The following DENND4A variants were observed in gnomAD, a reference collection of about 807,000 sequenced individuals.
The protein encoded by DENND4A is C-myc promoter-binding protein.
A neutral mutation model predicts 199.3 loss-of-function variants in DENND4A; 70 were observed. The ratio of observed to expected loss-of-function variants is 0.35; its 90% CI spans 0.29 to 0.43. The LOEUF (loss-of-function observed/expected upper bound fraction) is 0.43. Ranked by LOEUF, DENND4A falls within the 20% of genes least tolerant of loss-of-function variation. The pLI, the probability that DENND4A is intolerant of heterozygous loss-of-function variation, is 1.00. For synonymous variants in DENND4A, 686 were observed against 766.9 expected (o/e 0.89, Z 1.74); for missense variants, 1,723 against 2,255.8 (o/e 0.76, Z 4.78).
intron 11 of DENND4A, among the ~76,000 whole-genome samples, chr15:65,724,760 A>G (rs191382405): frequency 7.9e-4 from 121 of 152,318 alleles, no homozygotes; most frequent in Middle Eastern, 3.4e-3. Context: ...GACCAACAGG[A>G]TCCTGTGTTA....
At chr15:65,767,833 ATATAT>A (rs1423256909) in intron 1 of DENND4A, among the ~76,000 whole-genome samples, 1 of 152,232 alleles carries the variant, frequency 6.6e-6, no homozygotes, top group Non-Finnish European at 1.5e-5. Context: ...ATTCAGGATG[ATATAT>A]TAGACATATT....
intron 15 of DENND4A, among the ~76,000 whole-genome samples, chr15:65,704,886 C>CT (rs1349219438): frequency 2.6e-5 from 4 of 152,188 alleles, no homozygotes; most frequent in African/African-American, 9.7e-5. Context: ...GCCACCGCGT[C>CT]TGGCCAAATT....
chr15:65,705,073 A>C (rs771928194), intron 15 of DENND4A, among the ~76,000 whole-genome samples: 2 of 152,202 alleles, frequency 1.3e-5, no homozygotes, highest in African/African-American at 2.4e-5. Context: ...GAGAGAAATT[A>C]AGAGAAATAT....
At chr15:65,695,239 T>C (rs977783913) in intron 22 of DENND4A, among the ~76,000 whole-genome samples, 1 of 152,218 alleles carries the variant, frequency 6.6e-6, no homozygotes, top group African/African-American at 2.4e-5. Flanking sequence ...AATATTGTAG[T>C]CTTTGCAGGC....
chr15:65,768,269 G>A (rs561684354), intron 1 of DENND4A, among the ~76,000 whole-genome samples: 55 of 152,206 alleles, frequency 3.6e-4, no homozygotes, highest in Admixed American at 1.2e-3. Flanking sequence ...TGCCCGTGCC[G>A]GCATCCCAAA....
At chr15:65,755,723 G>A (rs114108511) in intron 3 of DENND4A, among the ~76,000 whole-genome samples, 513 of 152,276 alleles carry the variant, frequency 3.4e-3, no homozygotes, top group African/African-American at 0.011. Flanking sequence ...CTATGATCAT[G>A]CCATTGCACT....
At chr15:65,777,510 G>A (rs552522254) in intron 1 of DENND4A, among the ~76,000 whole-genome samples, 22 of 151,846 alleles carry the variant, frequency 1.4e-4, no homozygotes, top group African/African-American at 4.6e-4. Flanking sequence ...GCACCACCAC[G>A]CCTGGCTAAT....
chr15:65,672,016 G>A, intron 24 of DENND4A, 130 bp from the exon 25 acceptor site: 1 of 633,158 alleles, frequency 1.6e-6, no homozygotes. Context: ...AAACTAATTA[G>A]GAAAAACAAA....
chr15:65,784,461 A>C (rs964411418), intron 1 of DENND4A, among the ~76,000 whole-genome samples: 6 of 152,004 alleles, frequency 3.9e-5, no homozygotes, highest in Non-Finnish European at 7.4e-5. Context: ...TCTTACAAAA[A>C]AAAAAAAATA....
chr15:65,725,961 C>A (rs2140347497), intron 11 of DENND4A: 1 of 152,234 alleles, frequency 6.6e-6, no homozygotes, highest in Admixed American at 6.5e-5. Flanking sequence ...AGAAAGCTGT[C>A]AGTTCGCTAG....
chr15:65,687,404 T>G (rs2076825767), intron 23 of DENND4A, among the ~76,000 whole-genome samples: 1 of 152,170 alleles, frequency 6.6e-6, no homozygotes, highest in Non-Finnish European at 1.5e-5. Flanking sequence ...TTTTCTTTTT[T>G]TTTCAGTTTA....
At chr15:65,701,345 T>C (rs1343847184) in intron 18 of DENND4A, among the ~76,000 whole-genome samples, 153 bp from the exon 19 acceptor site, 1 of 152,074 alleles carries the variant, frequency 6.6e-6, no homozygotes, top group Non-Finnish European at 1.5e-5. Flanking sequence ...GGCAGGTGGA[T>C]CACTTGAGCC....
At chr15:65,779,978 G>A (rs950125291) in intron 1 of DENND4A, among the ~76,000 whole-genome samples, 1 of 151,894 alleles carries the variant, frequency 6.6e-6, no homozygotes, top group Non-Finnish European at 1.5e-5. Flanking sequence ...GGGCTCAAGT[G>A]ATCCTCCTGC....
In DENND4A at chr15:65,661,873, GT is replaced by G; in HGVS notation, c.5701del (p.Thr1901ProfsTer14). The G allele has an allele frequency of 6.2e-7, 1 of 1,610,160 alleles. No homozygotes were observed. The highest frequency in any genetic ancestry group is 8.5e-7 in the Non-Finnish European group (1 of 1,178,014). ...ATCTTAAAGATAAGGTTCTCCAAAG[GT>G]TTTTCGACATTCCATCACCCCTGTA... is the stretch of plus-strand genomic sequence containing the variant. ...PSTGVMECRK[T>X]FGEPYL On this transcript the variant is annotated frameshift_variant, in exon 33 of 33. Transcript: ENST00000443035. LOFTEE classifies it high-confidence loss of function.
In DENND4A at chr15:65,772,367, T is replaced by G. The variant is rs1325470530; in HGVS notation, c.-101-10929A>C. ...TTTAGAAAATCTGCCACTGTATGTATCTTATAAAAAAGGCTGGATGTCCGA... is the reference window on the plus strand; with the variant it reads ...TTTAGAAAATCTGCCACTGTATGTAGCTTATAAAAAAGGCTGGATGTCCGA... On this transcript the variant is annotated intron_variant, in intron 1 of 32. Transcript: ENST00000443035. 8.6e-5 allele frequency among the ~76,000 whole-genome samples: 13 copies of G among 152,018 alleles called. 1 individual carries two copies. In the South Asian group the frequency reaches 2.7e-3, roughly 31 times the overall value.
chr15:65,704,587 CTGAAATAA>C (rs1200994678), intron 15 of DENND4A, among the ~76,000 whole-genome samples: 2 of 151,950 alleles, frequency 1.3e-5, no homozygotes, highest in African/African-American at 4.8e-5. Context: ...GTTGCACAGG[CTGAAATAA>C]TGTGGTTTTT....
chr15:65,750,368 A>G (rs1484284186), intron 4 of DENND4A, among the ~76,000 whole-genome samples: 2 of 152,174 alleles, frequency 1.3e-5, no homozygotes, highest in East Asian at 3.8e-4. Flanking sequence ...CGGCTGATAA[A>G]CCACCCATTG....
intron 23 of DENND4A, among the ~76,000 whole-genome samples, chr15:65,685,168 C>G (rs1173228904): frequency 6.6e-6 from 1 of 150,514 alleles, no homozygotes; most frequent in Non-Finnish European, 1.5e-5. Flanking sequence ...ACTCTGTCGC[C>G]TAGGCCAGAG....
At chr15:65,753,173 T>C (rs1038884142) in intron 3 of DENND4A, among the ~76,000 whole-genome samples, 8 of 152,268 alleles carry the variant, frequency 5.3e-5, no homozygotes, top group African/African-American at 1.9e-4. Context: ...GGTAAAATCA[T>C]AGGCTTTTAG....
Sources: allele counts gnomAD v4.1 joint callset (sites outside exome capture counted in the v4.1 genomes callset), GRCh38; gene constraint gnomAD v4.1.1; transcripts MANE v1.5; gene names NCBI Gene and HGNC (gene_info 2026-07-23, HGNC 2026-07-21).